BLTP1: variants seen among roughly 807,000 people sequenced by gnomAD.
BLTP1 encodes fragile site-associated protein.
the BLTP1 span, chr4:122,226,370 C>G: frequency 9.9e-7 from 1 of 1,009,162 alleles, no homozygotes; most frequent in Non-Finnish European, 1.2e-6. Flanking sequence ...AGGTGCTTTT[C>G]TATGTGGAGA....
chr4:122,219,759 C>T, the BLTP1 span, among the ~76,000 whole-genome samples: 1 of 152,092 alleles, frequency 6.6e-6, no homozygotes, highest in Non-Finnish European at 1.5e-5. Flanking sequence ...TTTTTATTTT[C>T]TATTTTTCTT....
At chr4:122,271,925 G>A in the BLTP1 span, among the ~76,000 whole-genome samples, 1 of 151,976 alleles carries the variant, frequency 6.6e-6, no homozygotes, top group Non-Finnish European at 1.5e-5. Flanking sequence ...AAACTCTTAC[G>A]TGGTATGTTC....
At chr4:122,206,206 T>C in the BLTP1 span, 303 of 274,932 alleles carry the variant, frequency 1.1e-3, no homozygotes, top group African/African-American at 6.5e-3. Flanking sequence ...GAACAGAGCC[T>C]GAGACACAGT....
the BLTP1 span, among the ~76,000 whole-genome samples, chr4:122,355,516 T>G: frequency 6.7e-6 from 1 of 149,908 alleles, no homozygotes; most frequent in Non-Finnish European, 1.5e-5. Context: ...GCTTTGGTCT[T>G]GACAACAGTG....
the BLTP1 span, among the ~76,000 whole-genome samples, chr4:122,314,460 A>G: frequency 6.6e-6 from 1 of 152,176 alleles, no homozygotes; most frequent in African/African-American, 2.4e-5. Flanking sequence ...GGAGGTAACT[A>G]TGAAAGTGGT....
the BLTP1 span, chr4:122,316,821 C>A: frequency 6.2e-7 from 1 of 1,612,382 alleles, no homozygotes; most frequent in Non-Finnish European, 8.5e-7. Flanking sequence ...TAGTGGATAT[C>A]AGAGAACTGA....
chr4:122,281,559 T>C, the BLTP1 span: 5 of 1,602,446 alleles, frequency 3.1e-6, no homozygotes, highest in Non-Finnish European at 4.3e-6. Flanking sequence ...AAAGAAGATA[T>C]TGCAACCCCA....
chr4:122,244,595 A>T, the BLTP1 span: 1 of 946,452 alleles, frequency 1.1e-6, no homozygotes, highest in Non-Finnish European at 1.3e-6. Context: ...TGAGAATGGA[A>T]CATAATGGAA....
At chr4:122,233,567 A>G in the BLTP1 span, among the ~76,000 whole-genome samples, 1 of 152,202 alleles carries the variant, frequency 6.6e-6, no homozygotes, top group Non-Finnish European at 1.5e-5. Context: ...GCTTGACTTA[A>G]TACTTTAAAA....
the BLTP1 span, among the ~76,000 whole-genome samples, chr4:122,296,129 A>C: frequency 6.6e-6 from 1 of 152,230 alleles, no homozygotes; most frequent in African/African-American, 2.4e-5. Context: ...TAGGAAGAGA[A>C]GTCAAATTAT....
At chr4:122,153,028 A>T in the BLTP1 span, 1 of 985,268 alleles carries the variant, frequency 1.0e-6, no homozygotes, top group Non-Finnish European at 1.2e-6. Flanking sequence ...TCTGGGATTG[A>T]TGTGTTTTGT....
At chr4:122,153,067 C>T in the BLTP1 span, 1 of 979,010 alleles carries the variant, frequency 1.0e-6, no homozygotes, top group Admixed American at 6.2e-5. Flanking sequence ...CTGCACTGCA[C>T]TCTAGAAGAC....
At chr4:122,185,201 CAG>C in the BLTP1 span, 1 of 982,436 alleles carries the variant, frequency 1.0e-6, no homozygotes, top group Non-Finnish European at 1.2e-6. Flanking sequence ...ATGATAAAAT[CAG>C]AGTTTTGTAA....
chr4:122,226,929 C>A, the BLTP1 span: 1 of 896,278 alleles, frequency 1.1e-6, no homozygotes, highest in Non-Finnish European at 1.6e-6. Context: ...ATACACATAG[C>A]CATGCAGCAA....
the BLTP1 span, chr4:122,325,969 G>A: frequency 2.1e-6 from 1 of 468,946 alleles, no homozygotes; most frequent in Non-Finnish European, 3.7e-6. Flanking sequence ...CAACCACACT[G>A]AAAATCTACT....
the BLTP1 span, chr4:122,298,567 AG>A: frequency 1.4e-6 from 1 of 690,890 alleles, no homozygotes; most frequent in Non-Finnish European, 1.8e-6. Flanking sequence ...TTACTTATTC[AG>A]AACTTTAAAA....
the BLTP1 span, chr4:122,304,793 G>T: frequency 6.2e-7 from 1 of 1,613,204 alleles, no homozygotes; most frequent in Non-Finnish European, 8.5e-7. Context: ...CATATAATCT[G>T]CTAGGGTATT....
chr4:122,166,913 C>T, the BLTP1 span, among the ~76,000 whole-genome samples: 19,209 of 152,044 alleles, frequency 0.13, 1,737 homozygotes, highest in African/African-American at 0.26. Context: ...GTTTTTCCAG[C>T]GGGAGCCTCT....
chr4:122,252,873 T>A, the BLTP1 span, among the ~76,000 whole-genome samples: 1 of 152,150 alleles, frequency 6.6e-6, no homozygotes, highest in Non-Finnish European at 1.5e-5. Context: ...TGGCTTCAGG[T>A]CTAACCCCAC....
Sources: allele counts gnomAD v4.1 joint callset (sites outside exome capture counted in the v4.1 genomes callset), GRCh38; gene constraint gnomAD v4.1.1; transcripts MANE v1.5; gene names NCBI Gene and HGNC (gene_info 2026-07-23, HGNC 2026-07-21).